Variants in AHNAK2 observed in about 807,000 individuals in gnomAD.
AHNAK2 encodes AHNAK nucleoprotein 2.
A neutral mutation model predicts 30.7 loss-of-function variants in AHNAK2; 18 were observed. The observed-to-expected ratio is 0.59, with a 90% CI of 0.41 to 0.87. AHNAK2 has a LOEUF of 0.87. AHNAK2 is among the 40% of genes least tolerant of loss of function. AHNAK2 has a pLI of 0.00. For synonymous variants in AHNAK2, 3,590 were observed against 3,073.8 expected (o/e 1.17, Z -5.56); for missense variants, 8,604 against 7,373.0 (o/e 1.17, Z -6.11).
Position 104,944,438 on chromosome 14 carries a change from A to C in AHNAK2, c.11013T>G (p.Asp3671Glu), listed in dbSNP as rs2819424. The change falls in exon 7 of 7, where the codon GAT (aspartate) becomes GAG (glutamate). Residue 3671 changes from aspartate (D) to glutamate (E), a missense_variant. Physicochemically the swap from Asp to Glu is conservative, Grantham distance 45 (BLOSUM62 2). Transcript: ENST00000333244. ...VDVSAPKVEADVSLPSMQGDL... is the reference protein window; with the variant it reads ...VDVSAPKVEAEVSLPSMQGDL... ...CCCCCTGCATGGAGGGGAGACTCAC[A>C]TCGGCTTCCACCTTGGGTGCAGACA... 1 of 1,611,294 alleles carries C rather than the reference A, an allele frequency of 6.2e-7. No individual in the cohort carries two copies. The highest frequency in any genetic ancestry group is 1.4e-5 in the African/African-American group (1 of 73,884).
In AHNAK2 at chr14:104,950,501, C is replaced by T. The variant is rs180896416; in HGVS notation, c.4950G>A (p.Ala1650=). The T allele has an allele frequency of 3.1e-4, 491 of 1,582,336 alleles. 19 individuals are homozygous for T. The Admixed American group carries it at 8.1e-3, about 26-fold the overall frequency. The change falls in exon 7 of 7, where the codon GCG becomes GCA. Residue 1650 remains alanine (A), a synonymous_variant. Coordinates refer to ENST00000333244, the MANE Select transcript of AHNAK2 (RefSeq NM_138420.4). The stretch of plus-strand genomic sequence containing the variant: ...TGAACTTGCTGTCTTTGGCAGTCAC[C>T]GCCTTGTCGGCCAGGGACAGGTCCC... ...LEGDLSLADK[A]VTAKDSKFKM...
chr14:104,951,465 T>G lies in AHNAK2; in HGVS notation c.3986A>C (p.Lys1329Thr), dbSNP rs1218937495. 4.0e-6 allele frequency: 5 copies of G among 1,245,732 alleles called. No homozygotes were observed. In the African/African-American group the frequency reaches 7.1e-5, roughly 18 times the overall value. 77.2% of individuals were successfully genotyped at this position (1,245,732 alleles called of 1,614,324 possible). The change falls in exon 7 of 7, where the codon AAA becomes ACA. Residue 1329 changes from lysine to threonine, a missense_variant. Coordinates refer to ENST00000333244, the MANE Select transcript of AHNAK2 (RefSeq NM_138420.4). ...CGACGGCATCTTGAACTTGGGCATTTTGAACTTGCTGTCTTTGGCAGTCAC... is the reference window on the plus strand; with the variant it reads ...CGACGGCATCTTGAACTTGGGCATTGTGAACTTGCTGTCTTTGGCAGTCAC... The part of the protein sequence containing the change: ...KDVTAKDSKF[K>T]MPKFKMPSFG...
At chr14:104,977,355 C>T (rs1269815421) in intron 1 of AHNAK2, among the ~76,000 whole-genome samples, 1 of 152,196 alleles carries the variant, frequency 6.6e-6, no homozygotes, top group Non-Finnish European at 1.5e-5. Flanking sequence ...GACACCCAGG[C>T]CCCGGAACCA....
chr14:104,945,015 T>C lies in AHNAK2; in HGVS notation c.10436A>G (p.Lys3479Arg), dbSNP rs1257717145. ...GGCCGACACCCCGAAGGAGGGCATC[T>C]TGAACTTGGGCATTTTGAACTTGCT... ...KDSKFKMPKF[K>R]MPSFGVSAPG... Residue 3479 changes from lysine to arginine, a missense_variant, in exon 7 of 7, where the codon AAG becomes AGG. Transcript: ENST00000333244. The C allele has an allele frequency of 9.4e-6, 15 of 1,603,048 alleles. No homozygotes were observed. Among genetic ancestry groups the C allele is most frequent in the Non-Finnish European group, 1.3e-5 (15 of 1,171,720 alleles).
In AHNAK2 at chr14:104,966,584, C is replaced by T. The variant is rs143698166; in HGVS notation, c.56-8912G>A. Reference sequence around the variant, plus strand: ...AGACAGAACTTGGCCAGCCCCACCGCTCTGCCTCCCAGATGGCTGCCAAAC... The same window carrying T: ...AGACAGAACTTGGCCAGCCCCACCGTTCTGCCTCCCAGATGGCTGCCAAAC... On this transcript the variant is annotated intron_variant, in intron 1 of 6. Transcript: ENST00000333244. This position sits in a 1 kb window ranked among gnomAD's most constrained non-coding sequence, Gnocchi z 4.3. Among the ~76,000 whole-genome samples, 504 of 152,264 alleles carry T rather than the reference C, an allele frequency of 3.3e-3. 3 individuals are homozygous for T. The highest frequency in any genetic ancestry group is 0.012 in the African/African-American group (485 of 41,542).
chr14:104,947,945 G>A lies in AHNAK2; in HGVS notation c.7506C>T (p.Ile2502=), dbSNP rs375164356. Residue 2502 remains isoleucine, a synonymous_variant, in exon 7 of 7, where the codon ATC becomes ATT. Coordinates refer to ENST00000333244, the MANE Select transcript of AHNAK2 (RefSeq NM_138420.4). ...GCGCAGACACATCCACCGAGGCCTC[G>A]ATGGACTTGCCTGGGGCAGACACCC... ...SFGVSAPGKS[I]EASVDVSAPK... is the part of the protein sequence containing the mutation. 1.0e-4 allele frequency: 164 copies of A among 1,612,808 alleles called. 4 individuals carry two copies. In the African/African-American group the frequency reaches 1.6e-3, roughly 16 times the overall value.
chr14:104,942,293 C>T lies in AHNAK2; in HGVS notation c.13158G>A (p.Met4386Ile). 1 of 1,613,362 alleles carries T rather than the reference C, an allele frequency of 6.2e-7. No individual in the cohort carries two copies. The highest frequency in any genetic ancestry group is 8.5e-7 in the Non-Finnish European group (1 of 1,179,834). The change falls in exon 7 of 7, where the codon ATG becomes ATA. Residue 4386 changes from methionine to isoleucine, a missense_variant. Transcript: ENST00000333244. ...CCACTTTGGGTACCTTGAAACTGGG[C>T]ATCTGCAGCTTCGGCAGGTGCCCTT... ...GLKGHLPKLQMPSFKVPKVDL... is the reference protein window; with the variant it reads ...GLKGHLPKLQIPSFKVPKVDL...
Position 104,950,698 on chromosome 14 carries a change from T to G in AHNAK2, c.4753A>C (p.Lys1585Gln), listed in dbSNP as rs761354990. Residue 1585 changes from lysine to glutamine, a missense_variant, in exon 7 of 7, where the codon AAG (lysine) becomes CAG (glutamine). Lys to Gln is a moderately conservative substitution (Grantham distance 53). Coordinates refer to ENST00000333244, the MANE Select transcript of AHNAK2 (RefSeq NM_138420.4). ...CCCTTGAGGTCCACTTTGGGCATCT[T>G]GAAACTGGGCATCTGCACTTTGGGC... ...HLPKVQMPSF[K>Q]MPKVDLKGPQ... is the part of the protein sequence containing the mutation. 3.1e-5 allele frequency: 49 copies of G among 1,587,738 alleles called. 6 individuals carry two copies. Among genetic ancestry groups the G allele is most frequent in the Non-Finnish European group, 4.1e-5 (48 of 1,162,930 alleles).
rs1429286949 is a variant in AHNAK2, at chr14:104,947,325, G to A, written c.8126C>T (p.Ala2709Val). The A allele has an allele frequency of 2.5e-6, 4 of 1,612,208 alleles. No homozygotes were observed. The highest frequency in any genetic ancestry group is 2.7e-5 in the African/African-American group (2 of 74,174). The change falls in exon 7 of 7, where the codon GCT (alanine) becomes GTT (valine). Residue 2709 changes from alanine to valine, a missense_variant. By Grantham distance (64) the Ala-to-Val change is moderately conservative (BLOSUM62 0). Coordinates refer to ENST00000333244, the MANE Select transcript of AHNAK2 (RefSeq NM_138420.4). ...TGGGAGTTTCACATCCACCTGGCCAGCCTGGACCTCCAGTTGGGCAGAGGG... is the reference window on the plus strand; with the variant it reads ...TGGGAGTTTCACATCCACCTGGCCAACCTGGACCTCCAGTTGGGCAGAGGG... Reference protein sequence around the residue: ...QPPSAQLEVQAGQVDVKLPEG... With the variant: ...QPPSAQLEVQVGQVDVKLPEG...
Position 104,949,966 on chromosome 14 carries a change from T to G in AHNAK2, c.5485A>C (p.Lys1829Gln). The change falls in exon 7 of 7, where the codon AAG becomes CAG. Residue 1829 changes from lysine (K) to glutamine (Q), a missense_variant. By Grantham distance (53) the Lys-to-Gln change is moderately conservative (BLOSUM62 1). Transcript: ENST00000333244. The part of the protein sequence containing the change: ...KDSKFKMPKF[K>Q]MPSFGVSAPG... ...GCAGACACCCCGAACGACGGCATCT[T>G]GAACTTGGGCATTTTGAACTTGCTG... is the stretch of plus-strand genomic sequence containing the variant. 1.3e-6 allele frequency: 2 copies of G among 1,588,530 alleles called. No individual in the cohort carries two copies. The highest frequency in any genetic ancestry group is 1.7e-6 in the Non-Finnish European group (2 of 1,163,522).
rs56330864 is a variant in AHNAK2 at position 104,951,923 on chromosome 14, T to C, written c.3528A>G (p.Ser1176=). The C allele has an allele frequency of 4.6e-3, 7,291 of 1,599,806 alleles. 177 individuals carry two copies. Among genetic ancestry groups the C allele is most frequent in the East Asian group, 0.032 (1,411 of 43,692 alleles). ...PKFKMPSFGA[S]APGKSIEASV... ...AGGCCTCGATGGACTTGCCTGGGGC[T>C]GACGCCCCGAACGATGGCATCTTGA... The change falls in exon 7 of 7, where the codon TCA becomes TCG. Residue 1176 remains serine (S), a synonymous_variant. Transcript: ENST00000333244.
Position 104,946,054 on chromosome 14 carries a change from C to T in AHNAK2, c.9397G>A (p.Asp3133Asn), listed in dbSNP as rs757034851. Reference protein sequence around the residue: ...ARLEGDLSLADKDVTAKDSKF... With the variant: ...ARLEGDLSLANKDVTAKDSKF... ...CTGTCTTTGGCAGTCACATCCTTGT[C>T]GGCCAGGGACAGGTCCCCCTCCAGC... The change falls in exon 7 of 7, where the codon GAC (aspartate) becomes AAC (asparagine). Residue 3133 changes from aspartate (D) to asparagine (N), a missense_variant. Asp to Asn is a conservative substitution (Grantham distance 23, BLOSUM62 1). Transcript: ENST00000333244. 9.3e-6 allele frequency: 15 copies of T among 1,606,132 alleles called. 1 individual carries two copies. The highest frequency in any genetic ancestry group is 5.4e-5 in the African/African-American group (4 of 73,618).
chr14:104,970,618 C>T (rs1232796327), intron 1 of AHNAK2: 1 of 727,162 alleles, frequency 1.4e-6, no homozygotes, highest in African/African-American at 1.9e-5. Flanking sequence ...ACCCCCACAT[C>T]CCACCAGAGG....
In AHNAK2 at chr14:104,942,011, C is replaced by G. The variant is rs775887718; in HGVS notation, c.13440G>C (p.Lys4480Asn). 1 of 1,613,402 alleles carries G rather than the reference C, an allele frequency of 6.2e-7. No individual in the cohort carries two copies. The highest frequency in any genetic ancestry group is 8.5e-7 in the Non-Finnish European group (1 of 1,179,716). Reference protein sequence around the residue: ...MPSFGMLSPGKSIEVSVDVSA... With the variant: ...MPSFGMLSPGNSIEVSVDVSA... ...ACACATCCACCGAGACCTCGATGGA[C>G]TTGCCTGGGGACAACATCCCAAAGG... The change falls in exon 7 of 7, where the codon AAG (lysine) becomes AAC (asparagine). Residue 4480 changes from lysine to asparagine, a missense_variant. By Grantham distance (94) the Lys-to-Asn change is moderately conservative (BLOSUM62 0). Transcript: ENST00000333244.
At position 104,942,401 on chromosome 14, in the gene AHNAK2, G is replaced by C; in HGVS notation, c.13050C>G (p.Pro4350=). The change falls in exon 7 of 7, where the codon CCC becomes CCG. Residue 4350 remains proline, a synonymous_variant. Transcript: ENST00000333244. ...CCTGGACCTCCAGATCAGCGGAAGG[G>C]GGCTGAATGCTGAGGTGAGTGGTCT... ...DLKTTHLSIQ[P]PSADLEVQAG... is the part of the protein sequence containing the mutation. The C allele has an allele frequency of 6.2e-7, 1 of 1,613,088 alleles. No individual in the cohort carries two copies. Among genetic ancestry groups the C allele is most frequent in the Non-Finnish European group, 8.5e-7 (1 of 1,179,592 alleles).
In AHNAK2 at chr14:104,944,497, C is replaced by G. The variant is rs1898153703; in HGVS notation, c.10954G>C (p.Ala3652Pro). ...KFKMPSFRVS[A>P]PGKSMEASVD... ...GAGGCCTCCATGGACTTCCCTGGGG[C>G]CGATACCCTGAATGACGGCATCTTG... The change falls in exon 7 of 7, where the codon GCC (alanine) becomes CCC (proline). Residue 3652 changes from alanine to proline, a missense_variant. Coordinates refer to ENST00000333244, the MANE Select transcript of AHNAK2 (RefSeq NM_138420.4). 1 of 1,613,088 alleles carries G rather than the reference C, an allele frequency of 6.2e-7. No individual in the cohort carries two copies. Among genetic ancestry groups the G allele is most frequent in the South Asian group, 1.1e-5 (1 of 91,028 alleles).
intron 5 of AHNAK2, 147 bp from the exon 6 acceptor site, chr14:104,955,288 A>G: frequency 7.9e-7 from 1 of 1,261,446 alleles, no homozygotes; most frequent in South Asian, 1.5e-5. Flanking sequence ...TGAGTGCCTC[A>G]GGCACAGGCA....
Position 104,952,001 on chromosome 14 carries a change from G to A in AHNAK2, c.3450C>T (p.Ser1150=), listed in dbSNP as rs756207357. 110 of 1,612,248 alleles carry A rather than the reference G, an allele frequency of 6.8e-5. 1 individual carries two copies. Among genetic ancestry groups the A allele is most frequent in the Non-Finnish European group, 8.9e-5 (105 of 1,179,484 alleles). Residue 1150 remains serine (S), a synonymous_variant, in exon 7 of 7, where the codon TCC becomes TCT. Transcript: ENST00000333244. ...LDSARLEGEL[S]LADKDVTAKD... ...TGGCAGTCACATCCTTGTCGGCCAG[G>A]GACAGTTCCCCCTCCAGCCGCGCAC... is the stretch of plus-strand genomic sequence containing the variant.
rs374626844 is a variant in AHNAK2, at chr14:104,947,848, G to A, written c.7603C>T (p.Pro2535Ser). ...DLKATDLSIQ[P>S]PSADLEVQAG... ...TGGACCTCCAGGTCAGCGGAAGGGG[G>A]CTGAATGCTGAGGTCAGTGGCCTTG... Residue 2535 changes from proline to serine, a missense_variant, in exon 7 of 7, where the codon CCC becomes TCC. Transcript: ENST00000333244. The A allele has an allele frequency of 5.2e-5, 84 of 1,612,464 alleles. 1 individual carries two copies. Among genetic ancestry groups the A allele is most frequent in the African/African-American group, 6.7e-5 (5 of 74,434 alleles).
Sources: gnomAD v4.1 joint callset for allele counts (sites outside exome capture counted in the v4.1 genomes callset) on GRCh38, gnomAD v4.1.1 for gene constraint, Gnocchi (gnomAD v3.1) non-coding constraint, MANE v1.5 for transcripts, NCBI Gene and HGNC (gene_info 2026-07-23, HGNC 2026-07-21) for gene names.